The following SEMA3A variants were observed in gnomAD, a reference collection of about 807,000 sequenced individuals.
SEMA3A encodes the protein semaphorin 3A, also known as semaphorin-3A.
A neutral mutation model predicts 97.9 loss-of-function variants in SEMA3A; 29 were observed. That is an observed-to-expected ratio of 0.30 (90% CI 0.22 to 0.40). SEMA3A has a LOEUF of 0.40. SEMA3A is among the 10% of genes least tolerant of loss of function. The probability of loss-of-function intolerance (pLI) is 1.00; values close to 1 mark genes in which losing one functional copy is unlikely to be tolerated. For synonymous variants in SEMA3A, 321 were observed against 323.7 expected (o/e 0.99, Z 0.09); for missense variants, 763 against 951.3 (o/e 0.80, Z 2.60).
chr7:84,467,262 C>T (rs1046127540), intron 1 of SEMA3A, among the ~76,000 whole-genome samples: 2 of 152,088 alleles, frequency 1.3e-5, no homozygotes, highest in African/African-American at 4.8e-5. Context: ...GTGCCTCATG[C>T]CTGTAATCCC....
chr7:84,463,832 T>C (rs1333021091), intron 1 of SEMA3A, among the ~76,000 whole-genome samples: 2 of 152,114 alleles, frequency 1.3e-5, no homozygotes, highest in Admixed American at 6.6e-5. Flanking sequence ...ATAAAACATA[T>C]AACTTTATTC....
intron 4 of SEMA3A, among the ~76,000 whole-genome samples, chr7:84,075,068 T>G (rs1454672397): frequency 2.0e-5 from 3 of 151,944 alleles, no homozygotes; most frequent in African/African-American, 7.3e-5. Context: ...GAATCTAAAA[T>G]AGAAGGAAAG....
At chr7:84,118,014 ACT>A (rs1795487013) in intron 3 of SEMA3A, among the ~76,000 whole-genome samples, 1 of 152,124 alleles carries the variant, frequency 6.6e-6, no homozygotes, top group African/African-American at 2.4e-5. Flanking sequence ...TAACTCTCAC[ACT>A]CTTCTACATA....
intron 1 of SEMA3A, among the ~76,000 whole-genome samples, chr7:84,161,670 G>A (rs553562651): frequency 6.6e-6 from 1 of 152,270 alleles, no homozygotes; most frequent in East Asian, 1.9e-4. Context: ...AGAACTGCTA[G>A]ATCTTTATGG....
intron 1 of SEMA3A, among the ~76,000 whole-genome samples, chr7:84,165,027 G>C (rs1286924857): frequency 1.3e-5 from 2 of 152,004 alleles, no homozygotes; most frequent in African/African-American, 4.8e-5. Flanking sequence ...GAGCAACATG[G>C]CGAAACCCCG....
intron 3 of SEMA3A, among the ~76,000 whole-genome samples, chr7:84,120,475 C>T (rs1267703076): frequency 6.6e-6 from 1 of 152,146 alleles, no homozygotes. Context: ...TATTATTACA[C>T]TGCTTCTGAA....
chr7:83,962,255 A>G (rs1325992256), intron 16 of SEMA3A, among the ~76,000 whole-genome samples: 1 of 152,132 alleles, frequency 6.6e-6, no homozygotes, highest in African/African-American at 2.4e-5. Flanking sequence ...TTAAATTTTA[A>G]AAAAATAGAA....
rs943362369 is a variant in SEMA3A, at chr7:84,421,341, C to T, written c.-245-49441G>A. On this transcript the variant is annotated intron_variant, in intron 1 of 3. Coordinates refer to the SEMA3A transcript ENST00000424555. ...CCACATAAAAGTTGTGAGAGTTTGC[C>T]ATCACTAGATGTGTTCAGAAGAAAT... Among the ~76,000 whole-genome samples, 3 of 151,918 alleles carry T rather than the reference C, an allele frequency of 2.0e-5. No individual in the cohort carries two copies. In the Admixed American group the frequency reaches 2.0e-4, roughly 10 times the overall value.
At chr7:84,056,973 G>C (rs1793009291) in intron 5 of SEMA3A, among the ~76,000 whole-genome samples, 1 of 152,156 alleles carries the variant, frequency 6.6e-6, no homozygotes, top group Non-Finnish European at 1.5e-5. Context: ...ACTAGTGAAA[G>C]TAATACTGCC....
intron 12 of SEMA3A, among the ~76,000 whole-genome samples, chr7:84,001,715 A>ATATT (rs1446641302): frequency 1.3e-5 from 2 of 152,144 alleles, no homozygotes; most frequent in African/African-American, 4.8e-5. Flanking sequence ...TGTAAATAAT[A>ATATT]TATTTTATCA....
intron 2 of SEMA3A, among the ~76,000 whole-genome samples, chr7:84,313,257 C>T (rs73189024): frequency 0.061 from 8,768 of 142,994 alleles, 508 homozygotes; most frequent in East Asian, 0.3. Context: ...CCATCCATCT[C>T]GCCTTCCATT....
chr7:84,259,110 T>C (rs532058301), intron 3 of SEMA3A, among the ~76,000 whole-genome samples: 1 of 152,192 alleles, frequency 6.6e-6, no homozygotes, highest in African/African-American at 2.4e-5. Context: ...TTCATATTAT[T>C]TAGTTTTTCA....
At chr7:83,976,484 T>C (rs1485532040) in intron 15 of SEMA3A, among the ~76,000 whole-genome samples, 1 of 152,120 alleles carries the variant, frequency 6.6e-6, no homozygotes, top group Non-Finnish European at 1.5e-5. Context: ...GTTTCAATTA[T>C]GGAAAGTGGG....
At chr7:84,025,968 TA>T in intron 6 of SEMA3A, among the ~76,000 whole-genome samples, 1 of 152,344 alleles carries the variant, frequency 6.6e-6, no homozygotes, top group Admixed American at 6.5e-5. Flanking sequence ...ACTATTTGGT[TA>T]TTTGATTTAC....
At chr7:83,990,231 T>C (rs1255634282) in intron 12 of SEMA3A, among the ~76,000 whole-genome samples, 1 of 152,202 alleles carries the variant, frequency 6.6e-6, no homozygotes, top group East Asian at 1.9e-4. Context: ...CTTTGTCAGA[T>C]AAGTAGGTTG....
intron 1 of SEMA3A, among the ~76,000 whole-genome samples, chr7:84,406,055 A>G (rs13227481): frequency 0.55 from 83,706 of 151,782 alleles, 25,140 homozygotes; most frequent in East Asian, 0.91. Context: ...GATCAGAGCA[A>G]AACTGAAGGA....
chr7:84,425,315 ATGATATAAATATAAATATAATATAT>A (rs1357522204), intron 1 of SEMA3A, among the ~76,000 whole-genome samples: 1 of 112,754 alleles, frequency 8.9e-6, no homozygotes, highest in African/African-American at 4.2e-5. Context: ...ATATAATATA[ATGATATAAATATAAATATAATATAT>A]TGATATAAAT....
chr7:84,361,472 T>C (rs1005689074), intron 2 of SEMA3A, among the ~76,000 whole-genome samples: 4 of 152,040 alleles, frequency 2.6e-5, no homozygotes, highest in Non-Finnish European at 2.9e-5. Context: ...TACTCAGCTA[T>C]GGAGCAATGT....
At chr7:84,246,702 C>T (rs1030771158) in intron 3 of SEMA3A, among the ~76,000 whole-genome samples, 3 of 151,714 alleles carry the variant, frequency 2.0e-5, no homozygotes, top group South Asian at 2.1e-4. Context: ...ATACTAGCAT[C>T]CTCTTCTCAT....
Sources: allele counts gnomAD v4.1 joint callset (sites outside exome capture counted in the v4.1 genomes callset), GRCh38; gene constraint gnomAD v4.1.1; transcripts MANE v1.5; gene names NCBI Gene and HGNC (gene_info 2026-07-23, HGNC 2026-07-21).